Variants in ZNF366 observed in about 807,000 individuals in gnomAD.
The protein encoded by ZNF366 is zinc finger protein 366.
A neutral mutation model predicts 47.2 loss-of-function variants in ZNF366; 20 were observed. The observed-to-expected ratio is 0.42, with a 90% CI of 0.30 to 0.62. The LOEUF is 0.62. Among genes scored for constraint, ZNF366 ranks in the 20% least tolerant of loss-of-function variants. The probability of loss-of-function intolerance (pLI) is 0.16; values close to 1 mark genes in which losing one functional copy is unlikely to be tolerated. For missense variants in ZNF366, 987 were observed against 976.3 expected, an observed-to-expected ratio of 1.01 and a Z score of -0.15; for synonymous variants, 421 against 395.1, an observed-to-expected ratio of 1.07 and a Z score of -0.78.
At position 72,462,700 on chromosome 5, in the gene ZNF366, GC is replaced by G. The variant is rs536419755; in HGVS notation, c.-14-1191del. ...TGAGTAGCTGAGATTACAGGTGTGCGCCACCACGCCCTGTTAATCTTTGTGT... is the reference window on the plus strand; with the variant it reads ...TGAGTAGCTGAGATTACAGGTGTGCGCACCACGCCCTGTTAATCTTTGTGT... On this transcript the variant is annotated intron_variant, in intron 1 of 4. Coordinates refer to ENST00000318442, the MANE Select transcript of ZNF366 (RefSeq NM_152625.3). Among the ~76,000 whole-genome samples the G allele has an allele frequency of 5.0e-4, 76 of 151,946 alleles. 1 individual carries two copies. In the South Asian group the frequency reaches 0.014, roughly 27 times the overall value.
rs569401276 is a variant in ZNF366, at chr5:72,440,759, C to T, written c.*2997G>A. 1 of 152,228 alleles carries T rather than the reference C, an allele frequency of 6.6e-6. No homozygotes were observed. Among genetic ancestry groups the T allele is most frequent in the South Asian group, 2.1e-4 (1 of 4,806 alleles). The allele number at this position is 152,228 out of a possible 1,614,324, so 9.4% of individuals were successfully genotyped here. On this transcript the variant is annotated 3_prime_UTR_variant, in exon 5 of 5. Coordinates refer to ENST00000318442, the MANE Select transcript of ZNF366 (RefSeq NM_152625.3). ...ACAACAGGTCTAAACCACGATCATC[C>T]CAGGCAAACCAGGATGTTGGTCACT...
chr5:72,485,140 T>C (rs1041109128), intron 1 of ZNF366, among the ~76,000 whole-genome samples: 4 of 152,234 alleles, frequency 2.6e-5, no homozygotes, highest in Non-Finnish European at 5.9e-5. Context: ...TTAGTAATTA[T>C]TGTATTCTCT....
In ZNF366 at chr5:72,441,464, G is replaced by A. The variant is rs1029446852; in HGVS notation, c.*2292C>T. On this transcript the variant is annotated 3_prime_UTR_variant, in exon 5 of 5. Coordinates refer to ENST00000318442, the MANE Select transcript of ZNF366 (RefSeq NM_152625.3). ...ACTTGCCCCTCTGAGGACTTGGAAT[G>A]GGTTTTTGACCCAGAGTTGTGCTTG... 1 of 152,262 alleles carries A rather than the reference G, an allele frequency of 6.6e-6. No individual in the cohort carries two copies. Among genetic ancestry groups the A allele is most frequent in the Non-Finnish European group, 1.5e-5 (1 of 68,068 alleles). 9.4% of individuals were successfully genotyped at this position (152,262 alleles called of 1,614,324 possible).
In ZNF366 at chr5:72,461,062, A is replaced by G. The variant is rs1580237884; in HGVS notation, c.435T>C (p.Phe145=). 19 of 1,614,110 alleles carry G rather than the reference A, an allele frequency of 1.2e-5. No homozygotes were observed. The highest frequency in any genetic ancestry group is 2.2e-5 in the South Asian group (2 of 91,080). Residue 145 remains phenylalanine, a synonymous_variant, in exon 2 of 5, where the codon TTT becomes TTC. Coordinates refer to ENST00000318442, the MANE Select transcript of ZNF366 (RefSeq NM_152625.3). The part of the protein sequence containing the change: ...GFQFYRSLEH[F]GGKPVKQEPI... ...GTTCCTGCTTGACGGGCTTGCCCCC[A>G]AAGTGTTCCAGGCTGCGGTAGAATT... is the stretch of plus-strand genomic sequence containing the variant.
In ZNF366 at chr5:72,455,307, C is replaced by T. The variant is rs150991423; in HGVS notation, c.1524+1097G>A. Among the ~76,000 whole-genome samples, 384 of 152,184 alleles carry T rather than the reference C, an allele frequency of 2.5e-3. 2 individuals carry two copies. Among genetic ancestry groups the T allele is most frequent in the African/African-American group, 9.0e-3 (373 of 41,498 alleles). On this transcript the variant is annotated intron_variant, in intron 3 of 4. Coordinates refer to ENST00000318442, the MANE Select transcript of ZNF366 (RefSeq NM_152625.3). ...CACAGGGGATTCCTTCAAGTGGGGC[C>T]ACACTGCAGAGGTATTAAAGCAGGA... is the stretch of plus-strand genomic sequence containing the variant.
At chr5:72,483,588 A>G (rs1283422178) in intron 1 of ZNF366, among the ~76,000 whole-genome samples, 2 of 152,188 alleles carry the variant, frequency 1.3e-5, no homozygotes, top group Non-Finnish European at 2.9e-5. Context: ...ATTTTGTACA[A>G]ACCAGTGATA....
chr5:72,480,753 C>A (rs1285692475), intron 1 of ZNF366, among the ~76,000 whole-genome samples: 1 of 152,138 alleles, frequency 6.6e-6, no homozygotes, highest in Non-Finnish European at 1.5e-5. Flanking sequence ...TCATTTGAGT[C>A]TTTTTAATAA....
At chr5:72,452,437 G>A (rs1275223482) in intron 3 of ZNF366, among the ~76,000 whole-genome samples, 2 of 152,180 alleles carry the variant, frequency 1.3e-5, no homozygotes, top group Non-Finnish European at 1.5e-5. Flanking sequence ...CTGCTGAGGA[G>A]GGCTTTGCTG....
intron 2 of ZNF366, among the ~76,000 whole-genome samples, chr5:72,459,321 T>C (rs1743254476): frequency 1.3e-5 from 2 of 152,122 alleles, no homozygotes; most frequent in Non-Finnish European, 2.9e-5. Context: ...GTTAAGGGTG[T>C]GAGAGTGGGA....
At position 72,456,521 on chromosome 5, in the gene ZNF366, C is replaced by A. The variant is rs1321850369; in HGVS notation, c.1407G>T (p.Leu469=). 5.6e-6 allele frequency: 9 copies of A among 1,613,810 alleles called. No individual in the cohort carries two copies. In the East Asian group the frequency reaches 1.6e-4, roughly 28 times the overall value. The stretch of plus-strand genomic sequence containing the variant: ...GGTAGGCGCGGATGTTGGTGTGGAT[C>A]AGCACGTGTCGCTTCATGTTGGCCA... ...TLLANMKRHV[L]IHTNIRAYQC... Residue 469 remains leucine, a synonymous_variant, in exon 3 of 5, where the codon CTG becomes CTT. Transcript: ENST00000318442.
intron 1 of ZNF366, among the ~76,000 whole-genome samples, chr5:72,467,054 A>G (rs1278601264): frequency 6.6e-6 from 1 of 152,204 alleles, no homozygotes; most frequent in Non-Finnish European, 1.5e-5. Flanking sequence ...ATGGGTAGTC[A>G]CCCTTCACTC....
intron 1 of ZNF366, among the ~76,000 whole-genome samples, chr5:72,498,055 G>T (rs1426980521): frequency 6.6e-6 from 1 of 151,544 alleles, no homozygotes; most frequent in East Asian, 1.9e-4. Context: ...GCTTTTTATT[G>T]TAATGCAATA....
rs1018266614 is a variant in ZNF366 at position 72,441,557 on chromosome 5, T to A, written c.*2199A>T. ...CAGGTGCCCTTACCTCAGGACATAG[T>A]ACTCTTAGCACTTCATGGTGGTGGG... On this transcript the variant is annotated 3_prime_UTR_variant, in exon 5 of 5. Transcript: ENST00000318442. 2.0e-5 allele frequency: 3 copies of A among 152,304 alleles called. No individual in the cohort carries two copies. The highest frequency in any genetic ancestry group is 7.2e-5 in the African/African-American group (3 of 41,438). The allele number at this position is 152,304 out of a possible 1,614,324, so 9.4% of individuals were successfully genotyped here. A position where few individuals can be genotyped will look rare whatever the true frequency, so the allele number is the denominator to read the frequency against.
At chr5:72,476,496 T>C (rs1272182288) in intron 1 of ZNF366, among the ~76,000 whole-genome samples, 1 of 152,120 alleles carries the variant, frequency 6.6e-6, no homozygotes, top group African/African-American at 2.4e-5. Flanking sequence ...GCAGAGACAT[T>C]CTGCTGGAAA....
chr5:72,463,340 T>A (rs1045123100), intron 1 of ZNF366, among the ~76,000 whole-genome samples: 1 of 152,240 alleles, frequency 6.6e-6, no homozygotes, highest in Non-Finnish European at 1.5e-5. Flanking sequence ...GGAAAAAATA[T>A]GTGCCTTATT....
chr5:72,440,621 G>T lies in ZNF366; in HGVS notation c.*3135C>A, dbSNP rs919546907. 4 of 152,184 alleles carry T rather than the reference G, an allele frequency of 2.6e-5. No individual in the cohort carries two copies. The highest frequency in any genetic ancestry group is 9.7e-5 in the African/African-American group (4 of 41,440). The allele number at this position is 152,184 out of a possible 1,614,324, so 9.4% of individuals were successfully genotyped here. ...CTGGTTCATCAGCTCATTAGGCAAG[G>T]CTGGCCAACCCTTCCCTTAACTCTG... is the stretch of plus-strand genomic sequence containing the variant. On this transcript the variant is annotated 3_prime_UTR_variant, in exon 5 of 5. Coordinates refer to ENST00000318442, the MANE Select transcript of ZNF366 (RefSeq NM_152625.3).
chr5:72,474,839 C>T (rs992840478), intron 1 of ZNF366, among the ~76,000 whole-genome samples: 1 of 152,156 alleles, frequency 6.6e-6, no homozygotes, highest in African/African-American at 2.4e-5. Flanking sequence ...CCACAGAATC[C>T]ACTTACTATT....
At chr5:72,445,734 G>A (rs181086889) in intron 4 of ZNF366, among the ~76,000 whole-genome samples, 1 of 152,334 alleles carries the variant, frequency 6.6e-6, no homozygotes, top group Admixed American at 6.5e-5. Context: ...CTCCCGTCCT[G>A]ATGACAGAGC....
At chr5:72,495,453 C>T (rs757867336) in intron 1 of ZNF366, among the ~76,000 whole-genome samples, 4 of 152,116 alleles carry the variant, frequency 2.6e-5, no homozygotes, top group Non-Finnish European at 5.9e-5. Flanking sequence ...GCCCCTAGGA[C>T]GTGGTTGTAA....
Sources: allele counts gnomAD v4.1 joint callset (sites outside exome capture counted in the v4.1 genomes callset), GRCh38; gene constraint gnomAD v4.1.1; transcripts MANE v1.5; gene names NCBI Gene and HGNC (gene_info 2026-07-23, HGNC 2026-07-21).